The following LYZL6 variants were observed in gnomAD, a reference collection of about 807,000 sequenced individuals.
The protein encoded by LYZL6 is lysozyme-like protein 6.
A neutral mutation model predicts 15.0 loss-of-function variants in LYZL6; 21 were observed. That is an observed-to-expected ratio of 1.40 (90% confidence interval 1.00 to 2.02). LYZL6 has a LOEUF of 2.02. Among genes scored for constraint, LYZL6 ranks in the 30% most tolerant of loss-of-function variants. LYZL6 has a pLI of 0.00. For synonymous variants in LYZL6, 72 were observed against 67.8 expected, an observed-to-expected ratio of 1.06 and a Z score of -0.31; for missense variants, 173 against 180.5, an observed-to-expected ratio of 0.96 and a Z score of 0.24.
chr17:35,935,817 A>ATT (rs762873820), intron 4 of LYZL6, among the ~76,000 whole-genome samples: 45 of 119,320 alleles, frequency 3.8e-4, no homozygotes, highest in African/African-American at 6.3e-4. Flanking sequence ...CAGCCGCCAC[A>ATT]TTTTTTTTTT....
At chr17:35,938,782 C>A (rs1043925113) in intron 2 of LYZL6, among the ~76,000 whole-genome samples, 1 of 152,092 alleles carries the variant, frequency 6.6e-6, no homozygotes, top group African/African-American at 2.4e-5. Context: ...GTGTTCTTCC[C>A]CCAGACATTT....
At chr17:35,936,282 C>G (rs907427930) in intron 4 of LYZL6, among the ~76,000 whole-genome samples, 6 of 152,238 alleles carry the variant, frequency 3.9e-5, no homozygotes, top group African/African-American at 1.4e-4. Flanking sequence ...TGGACTGGGA[C>G]TGAGCCTAGC....
Position 35,934,875 on chromosome 17 carries a change from A to C in LYZL6, c.378-10T>G. 1 of 1,614,034 alleles carries C rather than the reference A, an allele frequency of 6.2e-7. No individual in the cohort carries two copies. Among genetic ancestry groups the C allele is most frequent in the Non-Finnish European group, 8.5e-7 (1 of 1,179,936 alleles). ...CAACCTCCATTCTACCCTGCGGAGA[A>C]AAAAGACATGGTTCTTGCCTCACAC... On this transcript the variant is annotated splice_polypyrimidine_tract_variant and intron_variant, in intron 4 of 4. Transcript: ENST00000615905.
At chr17:35,939,138 G>A (rs1598708136) in intron 2 of LYZL6, 80 bp downstream of exon 2, 1 of 1,502,610 alleles carries the variant, frequency 6.7e-7, no homozygotes, top group East Asian at 2.3e-5. Context: ...TTTGAAAGAT[G>A]AACAGGAGAG....
chr17:35,939,904 C>T (rs945900361), intron 1 of LYZL6, among the ~76,000 whole-genome samples: 12 of 152,304 alleles, frequency 7.9e-5, no homozygotes, highest in Admixed American at 3.3e-4. Flanking sequence ...TGAAGACTAT[C>T]TTCACCAGCA....
At position 35,934,777 on chromosome 17, in the gene LYZL6, G is replaced by C. The variant is rs1336779496; in HGVS notation, c.*19C>G. On this transcript the variant is annotated 3_prime_UTR_variant, in exon 5 of 5. Transcript: ENST00000615905. Reference sequence around the variant, plus strand: ...GACAGGAGTCTTGGAATGACTCCACGGTGCACCCGCACCCTGTTTCATCTC... The same window carrying C: ...GACAGGAGTCTTGGAATGACTCCACCGTGCACCCGCACCCTGTTTCATCTC... 4 of 1,612,814 alleles carry C rather than the reference G, an allele frequency of 2.5e-6. No homozygotes were observed. In the African/African-American group the frequency reaches 4.0e-5, roughly 16 times the overall value.
In LYZL6 at chr17:35,934,546, A is replaced by T; in HGVS notation, c.*250T>A. ...GCAGAGCGAGTGCTTTAATATTTCGATAAATATAAAGATTTCTTTATTGTG... is the reference window on the plus strand; with the variant it reads ...GCAGAGCGAGTGCTTTAATATTTCGTTAAATATAAAGATTTCTTTATTGTG... On this transcript the variant is annotated 3_prime_UTR_variant, in exon 5 of 5. Transcript: ENST00000615905. 1 of 505,360 alleles carries T rather than the reference A, an allele frequency of 2.0e-6. No individual in the cohort carries two copies. The highest frequency in any genetic ancestry group is 3.2e-5 in the East Asian group (1 of 31,358). 31.3% of individuals were successfully genotyped at this position (505,360 alleles called of 1,614,324 possible). A position where few individuals can be genotyped will look rare whatever the true frequency, so the allele number is the denominator to read the frequency against.
At chr17:35,940,005 T>C (rs1228315578) in intron 1 of LYZL6, among the ~76,000 whole-genome samples, 1 of 152,074 alleles carries the variant, frequency 6.6e-6, no homozygotes, top group Non-Finnish European at 1.5e-5. Flanking sequence ...CCCAGACACA[T>C]GACACATGAT....
rs1183196360 is a variant in LYZL6 at position 35,936,806 on chromosome 17, C to T, written c.326G>A (p.Gly109Asp). ...CACAATCCTTTTTGCGCAGTGGATG[C>T]CTGCAAGAAGGTTGGGATTCAGCAG... ...QDLLNPNLLA[G>D]IHCAKRIVSG... Residue 109 changes from glycine to aspartate, a missense_variant, in exon 4 of 5, where the codon GGC (glycine) becomes GAC (aspartate). Gly to Asp is a moderately conservative substitution (Grantham distance 94, BLOSUM62 -1). Coordinates refer to ENST00000615905, the MANE Select transcript of LYZL6 (RefSeq NM_020426.4). The T allele has an allele frequency of 6.2e-7, 1 of 1,613,826 alleles. No individual in the cohort carries two copies. Among genetic ancestry groups the T allele is most frequent in the East Asian group, 2.2e-5 (1 of 44,882 alleles).
chr17:35,936,860 G>A, intron 3 of LYZL6, 27 bp from the exon 4 acceptor site: 1 of 1,600,710 alleles, frequency 6.2e-7, no homozygotes, highest in Non-Finnish European at 8.5e-7. Context: ...GAAAACCTGT[G>A]AGGGCACAGA....
chr17:35,934,833 G>T lies in LYZL6; in HGVS notation c.410C>A (p.Pro137Gln). The change falls in exon 5 of 5, where the codon CCA becomes CAA. Residue 137 changes from proline to glutamine, a missense_variant. Pro to Gln is a moderately conservative substitution (Grantham distance 76). Transcript: ENST00000615905. ...VEWRLHCSGR[P>Q]LFYWLTGCRL... The stretch of plus-strand genomic sequence containing the variant: ...GCATCCTGTCAGCCAGTAGAAGAGT[G>T]GCCGGCCTGAACAGTGCAACCTCCA... The T allele has an allele frequency of 6.2e-7, 1 of 1,614,146 alleles. No individual in the cohort carries two copies. Among genetic ancestry groups the T allele is most frequent in the Non-Finnish European group, 8.5e-7 (1 of 1,180,030 alleles).
chr17:35,935,324 G>T (rs1331854150), intron 4 of LYZL6, among the ~76,000 whole-genome samples: 3 of 152,216 alleles, frequency 2.0e-5, no homozygotes, highest in African/African-American at 7.2e-5. Context: ...TTGAAGCTCA[G>T]AAAAGGTGAC....
At chr17:35,939,718 G>T (rs1598708719) in intron 1 of LYZL6, among the ~76,000 whole-genome samples, 160 bp from the exon 2 acceptor site, 1 of 152,078 alleles carries the variant, frequency 6.6e-6, no homozygotes, top group East Asian at 1.9e-4. Context: ...GGCTGGTCTT[G>T]AACTCCTGGC....
At position 35,934,823 on chromosome 17, in the gene LYZL6, G is replaced by A. The variant is rs1300329042; in HGVS notation, c.420C>T (p.Tyr140=). The change falls in exon 5 of 5, where the codon TAC becomes TAT. Residue 140 remains tyrosine, a synonymous_variant. Coordinates refer to ENST00000615905, the MANE Select transcript of LYZL6 (RefSeq NM_020426.4). ...ATCTCAGGCGGCATCCTGTCAGCCA[G>A]TAGAAGAGTGGCCGGCCTGAACAGT... ...RLHCSGRPLF[Y]WLTGCRLR The A allele has an allele frequency of 1.2e-6, 2 of 1,614,110 alleles. No individual in the cohort carries two copies. Among genetic ancestry groups the A allele is most frequent in the African/African-American group, 1.3e-5 (1 of 74,942 alleles).
chr17:35,934,557 G>T lies in LYZL6; in HGVS notation c.*239C>A, dbSNP rs116190619. 3.5e-3 allele frequency: 1,860 copies of T among 526,318 alleles called. 31 individuals are homozygous for T. Among genetic ancestry groups the T allele is most frequent in the African/African-American group, 0.03 (1,576 of 52,716 alleles). 32.6% of individuals were successfully genotyped at this position (526,318 alleles called of 1,614,324 possible). On this transcript the variant is annotated 3_prime_UTR_variant, in exon 5 of 5. Transcript: ENST00000615905. ...GCTTTAATATTTCGATAAATATAAAGATTTCTTTATTGTGGTCCTCAGTTT... is the reference window on the plus strand; with the variant it reads ...GCTTTAATATTTCGATAAATATAAATATTTCTTTATTGTGGTCCTCAGTTT...
chr17:35,936,691 C>G, intron 4 of LYZL6, 64 bp downstream of exon 4: 2 of 1,464,744 alleles, frequency 1.4e-6, no homozygotes, highest in Non-Finnish European at 1.9e-6. Context: ...GCCTACTGCC[C>G]TTTTCTCTGT....
chr17:35,940,080 C>T (rs1258329518), intron 1 of LYZL6, among the ~76,000 whole-genome samples: 1 of 152,120 alleles, frequency 6.6e-6, no homozygotes, highest in Non-Finnish European at 1.5e-5. Context: ...GTAACCTTCA[C>T]TTTCACATTG....
chr17:35,942,723 G>A (rs2089432994), intron 1 of LYZL6, among the ~76,000 whole-genome samples: 1 of 152,102 alleles, frequency 6.6e-6, no homozygotes, highest in African/African-American at 2.4e-5. Flanking sequence ...AAGTCTCCTG[G>A]GTAATCACCA....
chr17:35,942,823 T>C (rs1258302792), intron 1 of LYZL6, among the ~76,000 whole-genome samples: 1 of 152,146 alleles, frequency 6.6e-6, no homozygotes, highest in Non-Finnish European at 1.5e-5. Flanking sequence ...ATAGGGAAGC[T>C]AAAAGCAGAA....
Sources: gnomAD v4.1 joint callset for allele counts (sites outside exome capture counted in the v4.1 genomes callset) on GRCh38, gnomAD v4.1.1 for gene constraint, MANE v1.5 for transcripts, NCBI Gene and HGNC (gene_info 2026-07-23, HGNC 2026-07-21) for gene names.